Variants in GIGYF2 observed in about 807,000 individuals in gnomAD.
GIGYF2 encodes GRB10-interacting GYF protein 2.
GIGYF2 carries 25 observed loss-of-function variants against 208.1 expected under a neutral mutation model. The observed-to-expected ratio is 0.12, with a 90% CI of 0.09 to 0.17. The LOEUF (loss-of-function observed/expected upper bound fraction) is 0.17. Among genes scored for constraint, GIGYF2 ranks in the 10% least tolerant of loss-of-function variants. The pLI, the probability that GIGYF2 is intolerant of heterozygous loss-of-function variation, is 1.00. For synonymous variants in GIGYF2, 534 were observed against 543.8 expected, an observed-to-expected ratio of 0.98 and a Z score of 0.25; for missense variants, 1,302 against 1,579.4, an observed-to-expected ratio of 0.82 and a Z score of 2.98.
rs780728520 is a variant in GIGYF2, at chr2:232,794,831, C to T, written c.1366C>T (p.Pro456Ser). The change falls in exon 13 of 29, where the codon CCC (proline) becomes TCC (serine). Residue 456 changes from proline to serine, a missense_variant. Transcript: ENST00000373563. ...TCTTCTCATACTTCCACCTCCTGTT[C>T]CCAATCCTAGTCCTACTCTCCGGCC... ...SPLLILPPPV[P>S]NPSPTLRPVE... 7 of 1,613,742 alleles carry T rather than the reference C, an allele frequency of 4.3e-6. No individual in the cohort carries two copies. Among genetic ancestry groups the T allele is most frequent in the Non-Finnish European group, 5.9e-6 (7 of 1,179,700 alleles).
At chr2:232,740,241 G>C (rs1168139903) in intron 3 of GIGYF2, among the ~76,000 whole-genome samples, 1 of 152,060 alleles carries the variant, frequency 6.6e-6, no homozygotes, top group Non-Finnish European at 1.5e-5. Flanking sequence ...AGGATTGCTC[G>C]GGCCTAGGCA....
intron 28 of GIGYF2, among the ~76,000 whole-genome samples, chr2:232,853,599 A>G (rs1479300688): frequency 2.0e-5 from 3 of 152,192 alleles, no homozygotes; most frequent in African/African-American, 2.4e-5. Flanking sequence ...AGAGCTCTTC[A>G]GGTGGTCATT....
chr2:232,819,824 T>C lies in GIGYF2; in HGVS notation c.2371-3T>C. 1.0e-6 allele frequency: 1 copy of C among 953,878 alleles called. No individual in the cohort carries two copies. The highest frequency in any genetic ancestry group is 1.4e-6 in the Non-Finnish European group (1 of 690,614). The allele number at this position is 953,878 out of a possible 1,614,324, so 59.1% of individuals were successfully genotyped here. A position where few individuals can be genotyped will look rare whatever the true frequency, so the allele number is the denominator to read the frequency against. On this transcript the variant is annotated splice_polypyrimidine_tract_variant and splice_region_variant and intron_variant, in intron 20 of 28. Transcript: ENST00000373563. ...CCCCCCACCCTCCATCTTTTTTCCT[T>C]AGGAAGAGGCTCTGCGTCGCCAGCG... is the stretch of plus-strand genomic sequence containing the variant.
chr2:232,784,386 C>CTTTTTTTT lies in GIGYF2; in HGVS notation c.533-2750_533-2743dup, dbSNP rs10645449. Among the ~76,000 whole-genome samples, 55 of 92,308 alleles carry CTTTTTTTT rather than the reference C, an allele frequency of 6.0e-4. 5 individuals carry two copies. Among genetic ancestry groups the CTTTTTTTT allele is most frequent in the East Asian group, 1.1e-3 (3 of 2,850 alleles). 60.6% of individuals were successfully genotyped at this position (92,308 alleles called of 152,430 possible). ...TCTAGCTACTTACACGAAATAATTT[C>CTTTTTTTT]TTTTTTTTTTTTTTTTTTTTTGAGA... On this transcript the variant is annotated intron_variant, in intron 8 of 28. Transcript: ENST00000373563.
rs1701914288 is a variant in GIGYF2 at position 232,844,079 on chromosome 2, C to T, written c.2923C>T (p.Leu975Phe). 2 of 1,611,958 alleles carry T rather than the reference C, an allele frequency of 1.2e-6. No individual in the cohort carries two copies. The highest frequency in any genetic ancestry group is 1.3e-5 in the African/African-American group (1 of 74,878). ...RRQQRELMKA[L>F]QQQQQQQQQK... ...CCAGCAGAGGGAGTTGATGAAAGCT[C>T]TTCAGCAGCAGCAGCAACAGCAACA... Residue 975 changes from leucine (L) to phenylalanine (F), a missense_variant, in exon 24 of 29, where the codon CTT (leucine) becomes TTT (phenylalanine). Transcript: ENST00000373563.
chr2:232,780,424 G>A (rs532319931), intron 8 of GIGYF2, among the ~76,000 whole-genome samples: 7 of 152,172 alleles, frequency 4.6e-5, no homozygotes, highest in South Asian at 2.1e-4. Flanking sequence ...AAAATATATC[G>A]TTTTCCTCAT....
At chr2:232,729,588 T>C (rs1292249444) in intron 2 of GIGYF2, 1 of 1,376,428 alleles carries the variant, frequency 7.3e-7, no homozygotes, top group African/African-American at 1.4e-5. Flanking sequence ...GTGATCTGCT[T>C]CTCCAGCTTA....
chr2:232,856,718 T>C, intron 28 of GIGYF2, 75 bp from the exon 29 acceptor site: 2 of 903,114 alleles, frequency 2.2e-6, no homozygotes, highest in South Asian at 1.3e-5. Context: ...AGACTTACAT[T>C]CCAGCTCACC....
intron 5 of GIGYF2, among the ~76,000 whole-genome samples, chr2:232,753,350 C>T (rs1698405735): frequency 1.3e-5 from 2 of 152,126 alleles, no homozygotes; most frequent in South Asian, 4.1e-4. Context: ...TCTCCAACTC[C>T]TGACCTCAAG....
At chr2:232,750,757 G>A (rs113693718) in intron 5 of GIGYF2, among the ~76,000 whole-genome samples, 5 of 151,368 alleles carry the variant, frequency 3.3e-5, no homozygotes, top group Non-Finnish European at 5.9e-5. Context: ...GTGTGTGTGT[G>A]TGTATGTTTG....
chr2:232,729,971 C>T, intron 2 of GIGYF2: 1 of 724,016 alleles, frequency 1.4e-6, no homozygotes, highest in Middle Eastern at 3.7e-4. Flanking sequence ...CATACTTGAC[C>T]AAAGCCTTCT....
rs1036450266 is a variant in GIGYF2 at position 232,832,971 on chromosome 2, C to T, written c.2644C>T (p.Arg882Trp). Reference protein sequence around the residue: ...AARLRHEEEERKRKELEVQRQ... With the variant: ...AARLRHEEEEWKRKELEVQRQ... Reference sequence around the variant, plus strand: ...CAGACTCCGGCATGAGGAAGAAGAACGGAAGAGAAAGGAGCTGGAGGTCCA... The same window carrying T: ...CAGACTCCGGCATGAGGAAGAAGAATGGAAGAGAAAGGAGCTGGAGGTCCA... The change falls in exon 22 of 29, where the codon CGG (arginine) becomes TGG (tryptophan). Residue 882 changes from arginine to tryptophan, a missense_variant. Physicochemically the swap from Arg to Trp is moderately radical, Grantham distance 101. Transcript: ENST00000373563. The T allele has an allele frequency of 4.4e-6, 7 of 1,575,198 alleles. No homozygotes were observed. The highest frequency in any genetic ancestry group is 1.7e-4 in the Middle Eastern group (1 of 6,040).
chr2:232,839,466 C>T (rs902177386), intron 22 of GIGYF2, among the ~76,000 whole-genome samples: 1 of 152,120 alleles, frequency 6.6e-6, no homozygotes, highest in Non-Finnish European at 1.5e-5. Flanking sequence ...CATATCATGT[C>T]CTTTGTTGCT....
intron 21 of GIGYF2, among the ~76,000 whole-genome samples, chr2:232,823,135 A>T (rs1292901444): frequency 6.6e-6 from 1 of 151,758 alleles, no homozygotes; most frequent in East Asian, 1.9e-4. Context: ...ATGGTGAATT[A>T]TTAATATTAA....
At chr2:232,716,078 T>C (rs1696662165) in intron 2 of GIGYF2, among the ~76,000 whole-genome samples, 1 of 152,188 alleles carries the variant, frequency 6.6e-6, no homozygotes, top group African/African-American at 2.4e-5. Flanking sequence ...TTTGGACATA[T>C]GTATAACTAT....
intron 16 of GIGYF2, 53 bp from the exon 17 acceptor site, chr2:232,811,191 A>G (rs573592660): frequency 4.3e-6 from 4 of 936,186 alleles, no homozygotes; most frequent in Non-Finnish European, 5.3e-6. Context: ...CATCTCAGCC[A>G]TGTGAACTAA....
intron 25 of GIGYF2, 135 bp downstream of exon 25, chr2:232,844,709 T>C: frequency 1.4e-6 from 1 of 698,826 alleles, no homozygotes; most frequent in East Asian, 2.7e-5. Flanking sequence ...TTCAAGCACA[T>C]GCAGTCATAA....
rs771138406 is a variant in GIGYF2 at position 232,756,305 on chromosome 2, C to T, written c.350C>T (p.Pro117Leu). Residue 117 changes from proline (P) to leucine (L), a missense_variant, in exon 6 of 29, where the codon CCT becomes CTT. By Grantham distance (98) the Pro-to-Leu change is moderately conservative. Transcript: ENST00000373563. ...GGAGGAGGAACAGTGGTGGGGGCTC[C>T]TAGAGGTCGAAGTTCTTCAAGAGGG... Reference protein sequence around the residue: ...RGGGGTVVGAPRGRSSSRGRG... With the variant: ...RGGGGTVVGALRGRSSSRGRG... 9 of 1,576,404 alleles carry T rather than the reference C, an allele frequency of 5.7e-6. No individual in the cohort carries two copies. The South Asian group carries it at 9.5e-5, about 17-fold the overall frequency.
intron 15 of GIGYF2, among the ~76,000 whole-genome samples, chr2:232,807,890 C>T (rs1700607526): frequency 6.6e-6 from 1 of 152,194 alleles, no homozygotes; most frequent in South Asian, 2.1e-4. Flanking sequence ...TTAGTGTGGA[C>T]ACTGCATTTC....
Sources: allele counts gnomAD v4.1 joint callset (sites outside exome capture counted in the v4.1 genomes callset), GRCh38; gene constraint gnomAD v4.1.1; transcripts MANE v1.5; gene names NCBI Gene and HGNC (gene_info 2026-07-23, HGNC 2026-07-21).